EFL1: variants seen among roughly 807,000 people sequenced by gnomAD.
EFL1 encodes elongation factor-like GTPase 1.
In EFL1, 76 loss-of-function variants were observed where a neutral mutation model predicts 126.7. The ratio of observed to expected loss-of-function variants is 0.60; its 90% CI spans 0.50 to 0.73. The LOEUF (loss-of-function observed/expected upper bound fraction) is 0.73. Ranked by LOEUF, EFL1 falls within the 30% of genes least tolerant of loss-of-function variation. The pLI, the probability that EFL1 is intolerant of heterozygous loss-of-function variation, is 0.00. For synonymous variants in EFL1, 410 were observed against 448.4 expected, an observed-to-expected ratio of 0.91 and a Z score of 1.08; for missense variants, 1,128 against 1,343.2, an observed-to-expected ratio of 0.84 and a Z score of 2.50.
intron 12 of EFL1, among the ~76,000 whole-genome samples, chr15:82,220,766 G>A (rs550854459): frequency 1.3e-5 from 2 of 152,110 alleles, no homozygotes; most frequent in South Asian, 4.2e-4. Context: ...GTTTTCCATG[G>A]GGGTGAGAAT....
At chr15:82,236,965 C>T (rs1338966278) in intron 7 of EFL1, among the ~76,000 whole-genome samples, 1 of 152,130 alleles carries the variant, frequency 6.6e-6, no homozygotes, top group African/African-American at 2.4e-5. Flanking sequence ...CATGGTGAAA[C>T]CTGGTCTCTA....
At chr15:82,181,627 T>TGC (rs2074252714) in intron 15 of EFL1, among the ~76,000 whole-genome samples, 1 of 151,400 alleles carries the variant, frequency 6.6e-6, no homozygotes. Context: ...TGTGCATGTG[T>TGC]GTGTGTGTGT....
chr15:82,154,157 T>A (rs537242317), intron 17 of EFL1, among the ~76,000 whole-genome samples: 2 of 152,330 alleles, frequency 1.3e-5, no homozygotes, highest in African/African-American at 4.8e-5. Context: ...TGTGTGATGG[T>A]TGCCACACTC....
At chr15:82,255,513 T>A (rs1045140114) in intron 3 of EFL1, among the ~76,000 whole-genome samples, 1 of 152,224 alleles carries the variant, frequency 6.6e-6, no homozygotes, top group African/African-American at 2.4e-5. Flanking sequence ...TTTTAAGTAG[T>A]TTATTAACCT....
At chr15:82,158,039 C>T (rs1567044291) in intron 16 of EFL1, among the ~76,000 whole-genome samples, 179 bp from the exon 17 acceptor site, 2 of 152,058 alleles carry the variant, frequency 1.3e-5, no homozygotes. Context: ...TTTTTTTGTA[C>T]AGATAGCAAA....
chr15:82,191,231 C>A (rs1201471957), intron 15 of EFL1, among the ~76,000 whole-genome samples: 2 of 152,124 alleles, frequency 1.3e-5, no homozygotes, highest in Non-Finnish European at 2.9e-5. Context: ...ATACAACACA[C>A]CCTGAAATCT....
At chr15:82,227,273 G>T (rs1323355592) in intron 11 of EFL1, among the ~76,000 whole-genome samples, 177 bp downstream of exon 11, 1 of 152,222 alleles carries the variant, frequency 6.6e-6, no homozygotes, top group Admixed American at 6.5e-5. Flanking sequence ...AACCTTTGGG[G>T]TGAGGGTGGG....
chr15:82,200,583 C>CT (rs5814104), intron 15 of EFL1, among the ~76,000 whole-genome samples: 56,280 of 151,954 alleles, frequency 0.37, 11,683 homozygotes, highest in African/African-American at 0.56. Context: ...ATGGCCTCAC[C>CT]TTTTTCAGTC....
intron 15 of EFL1, among the ~76,000 whole-genome samples, chr15:82,183,774 A>C (rs1447965525): frequency 6.6e-6 from 1 of 152,214 alleles, no homozygotes; most frequent in Non-Finnish European, 1.5e-5. Context: ...TAAGTTTCTT[A>C]GGGAGTTATT....
chr15:82,227,682 A>T lies in EFL1; in HGVS notation c.1070-110T>A, dbSNP rs555491257. ...GTAACAAAGTCTGTCCATACAGAAA[A>T]TGCCTGTGCTACAAGGCAACACTGC... On this transcript the variant is annotated intron_variant, in intron 10 of 19. Coordinates refer to ENST00000268206, the MANE Select transcript of EFL1 (RefSeq NM_024580.6). 212 of 1,466,098 alleles carry T rather than the reference A, an allele frequency of 1.4e-4. No homozygotes were observed. The African/African-American group carries it at 2.0e-3, about 14-fold the overall frequency. The allele number at this position is 1,466,098 out of a possible 1,614,324, so 90.8% of individuals were successfully genotyped here.
chr15:82,134,489 T>C (rs967415918), intron 19 of EFL1, among the ~76,000 whole-genome samples: 1 of 152,158 alleles, frequency 6.6e-6, no homozygotes, highest in Non-Finnish European at 1.5e-5. Context: ...GGCACCCAAG[T>C]GCAAACTGTT....
At chr15:82,174,674 G>A (rs1336894179) in intron 15 of EFL1, among the ~76,000 whole-genome samples, 1 of 152,124 alleles carries the variant, frequency 6.6e-6, no homozygotes, top group South Asian at 2.1e-4. Context: ...GGTTAACCAA[G>A]GTTCTGAGAG....
intron 15 of EFL1, among the ~76,000 whole-genome samples, chr15:82,175,313 G>T (rs2074183196): frequency 6.6e-6 from 1 of 152,168 alleles, no homozygotes; most frequent in South Asian, 2.1e-4. Flanking sequence ...ATATTAGAAT[G>T]TTAACTAATT....
At chr15:82,210,459 G>A (rs1410619337) in intron 15 of EFL1, among the ~76,000 whole-genome samples, 1 of 152,158 alleles carries the variant, frequency 6.6e-6, no homozygotes, top group Non-Finnish European at 1.5e-5. Context: ...AAAGGCCTTA[G>A]TTCTACTCCC....
intron 15 of EFL1, among the ~76,000 whole-genome samples, chr15:82,181,016 C>T (rs1225917184): frequency 1.3e-5 from 2 of 152,072 alleles, no homozygotes; most frequent in African/African-American, 4.8e-5. Flanking sequence ...GTGTGAGCCA[C>T]CGCTCCTGGC....
intron 4 of EFL1, among the ~76,000 whole-genome samples, chr15:82,244,686 AG>A (rs1241771793): frequency 6.6e-6 from 1 of 152,162 alleles, no homozygotes; most frequent in Non-Finnish European, 1.5e-5. Context: ...TGCTGCTAAT[AG>A]GGAGTTATGG....
At chr15:82,154,921 C>T (rs992518471) in intron 17 of EFL1, among the ~76,000 whole-genome samples, 2 of 152,048 alleles carry the variant, frequency 1.3e-5, no homozygotes, top group African/African-American at 4.8e-5. Context: ...ACCACCTGCC[C>T]GATTAATTTA....
chr15:82,215,630 A>C (rs2074637740), intron 14 of EFL1: 2 of 152,120 alleles, frequency 1.3e-5, no homozygotes, highest in African/African-American at 4.8e-5. Context: ...CCAACCAACC[A>C]ATCTTTGGTG....
intron 15 of EFL1, among the ~76,000 whole-genome samples, chr15:82,198,304 T>G (rs2074429430): frequency 6.6e-6 from 1 of 152,164 alleles, no homozygotes; most frequent in Non-Finnish European, 1.5e-5. Context: ...GCTCAGTCTC[T>G]ACCCAAAATC....
Sources: gnomAD v4.1 joint callset for allele counts (sites outside exome capture counted in the v4.1 genomes callset) on GRCh38, gnomAD v4.1.1 for gene constraint, MANE v1.5 for transcripts, NCBI Gene and HGNC (gene_info 2026-07-23, HGNC 2026-07-21) for gene names.